The following C5orf58 variants were observed in gnomAD, a reference collection of about 807,000 sequenced individuals.
C5orf58 encodes the protein putative uncharacterized protein C5orf58.
Under a neutral mutation model 2.9 loss-of-function variants are expected in C5orf58, and 2 were observed. The ratio of observed to expected loss-of-function variants is 0.69; its 90% CI spans 0.28 to 2.18. C5orf58 has a LOEUF of 2.18. C5orf58 is among the 30% of genes most tolerant of loss of function. The pLI is 0.13. For synonymous variants in C5orf58, 37 were observed against 33.4 expected (o/e 1.11, Z -0.37); for missense variants, 96 against 91.7 (o/e 1.05, Z -0.19).
intron 3 of C5orf58, among the ~76,000 whole-genome samples, chr5:170,239,410 A>G (rs955946198): frequency 6.6e-6 from 1 of 151,530 alleles, no homozygotes; most frequent in Non-Finnish European, 1.5e-5. Context: ...AAAAAAAAAA[A>G]TCAAATCTCA....
At chr5:170,242,011 C>A (rs1434176178) in intron 3 of C5orf58, among the ~76,000 whole-genome samples, 3 of 145,298 alleles carry the variant, frequency 2.1e-5, no homozygotes, top group East Asian at 2.0e-4. Context: ...TTGTCAAAGG[C>A]TTTTTCTGCA....
At position 170,246,062 on chromosome 5, in the gene C5orf58, A is replaced by G; in HGVS notation, c.195A>G (p.Glu65=). 2.5e-6 allele frequency: 4 copies of G among 1,613,628 alleles called. No individual in the cohort carries two copies. The highest frequency in any genetic ancestry group is 3.4e-6 in the Non-Finnish European group (4 of 1,179,652). Residue 65 remains glutamate, a synonymous_variant, in exon 4 of 4, where the codon GAA becomes GAG. Coordinates refer to ENST00000593851, the MANE Select transcript of C5orf58 (RefSeq NM_001102609.3). ...CAGAAAGAAACAACCCCCTCTTTGA[A>G]GAGTCTAAAATATCAGATGTATCCC... is the stretch of plus-strand genomic sequence containing the variant. ...AEAERNNPLF[E]ESKISDVSLV...
chr5:170,234,519 T>A (rs1760660159), intron 2 of C5orf58, among the ~76,000 whole-genome samples: 1 of 152,246 alleles, frequency 6.6e-6, no homozygotes, highest in Non-Finnish European at 1.5e-5. Context: ...TGAATTATCC[T>A]CTTAATGAAT....
downstream of C5orf58, chr5:170,250,877 T>A: frequency 1.9e-6 from 3 of 1,613,344 alleles, no homozygotes; most frequent in Non-Finnish European, 2.5e-6. Flanking sequence ...TGACCAGAAA[T>A]GTGCCATCCT....
In C5orf58 at chr5:170,246,201, T is replaced by G; in HGVS notation, c.*88T>G. 1 of 1,018,338 alleles carries G rather than the reference T, an allele frequency of 9.8e-7. No individual in the cohort carries two copies. The highest frequency in any genetic ancestry group is 1.4e-6 in the Non-Finnish European group (1 of 724,392). The allele number at this position is 1,018,338 out of a possible 1,614,324, so 63.1% of individuals were successfully genotyped here. On this transcript the variant is annotated 3_prime_UTR_variant, in exon 4 of 4. Coordinates refer to ENST00000593851, the MANE Select transcript of C5orf58 (RefSeq NM_001102609.3). ...TTTACTAATTTGTATATATATAATTTAAAACAAAATAAAAATAATGTAAAC... is the reference window on the plus strand; with the variant it reads ...TTTACTAATTTGTATATATATAATTGAAAACAAAATAAAAATAATGTAAAC...
chr5:170,247,961 C>T (rs1214353257), downstream of C5orf58: 1 of 152,144 alleles, frequency 6.6e-6, no homozygotes, highest in Admixed American at 6.5e-5. Context: ...CACGATACAC[C>T]AAAGTCTCAT....
chr5:170,248,882 A>C, downstream of C5orf58: 1 of 1,554,558 alleles, frequency 6.4e-7, no homozygotes, highest in Non-Finnish European at 8.8e-7. Flanking sequence ...CTTCACTTTC[A>C]GTTTTTTTAT....
intron 3 of C5orf58, among the ~76,000 whole-genome samples, chr5:170,244,126 T>C (rs1471574521): frequency 6.6e-6 from 1 of 151,948 alleles, no homozygotes; most frequent in Non-Finnish European, 1.5e-5. Context: ...TTCTGGCTTG[T>C]AGGGTTTCTG....
At chr5:170,251,116 G>T, downstream of C5orf58, 1 of 441,780 alleles carries the variant, frequency 2.3e-6, no homozygotes, top group Non-Finnish European at 4.0e-6. Context: ...TTGTATCAAA[G>T]AAATTTCCAA....
chr5:170,247,692 G>A (rs975426110), downstream of C5orf58: 1 of 152,218 alleles, frequency 6.6e-6, no homozygotes, highest in Non-Finnish European at 1.5e-5. Flanking sequence ...TGGGAAGGAT[G>A]AGGAGAAGGG....
intron 3 of C5orf58, among the ~76,000 whole-genome samples, chr5:170,236,607 G>A (rs1306427855): frequency 1.3e-5 from 2 of 152,150 alleles, no homozygotes; most frequent in Admixed American, 6.5e-5. Flanking sequence ...GACCTGCTCA[G>A]ATCATTCCCC....
chr5:170,233,982 TATC>T (rs1267436279), intron 1 of C5orf58, 130 bp from the exon 2 acceptor site: 2 of 418,480 alleles, frequency 4.8e-6, no homozygotes, highest in Non-Finnish European at 9.2e-6. Context: ...CTTGTTAAAA[TATC>T]ATCTTTCTTT....
chr5:170,251,933 G>T, exon 3 of C5orf58: 1 of 243,656 alleles, frequency 4.1e-6, no homozygotes, highest in South Asian at 4.7e-5. Context: ...ATAAATCTAA[G>T]GTAAAGTTTC....
downstream of C5orf58, among the ~76,000 whole-genome samples, chr5:170,248,989 G>GA (rs1761363556): frequency 1.3e-5 from 2 of 152,206 alleles, no homozygotes; most frequent in Admixed American, 1.3e-4. Flanking sequence ...ATAGAACTTT[G>GA]AAAAAATTCC....
At chr5:170,233,037 G>T in intron 1 of C5orf58, 30 bp downstream of exon 1, 1 of 937,676 alleles carries the variant, frequency 1.1e-6, no homozygotes, top group Non-Finnish European at 1.3e-6. Context: ...CGGTCTTGAA[G>T]GATCCTAATC....
chr5:170,241,424 C>A (rs1450955346), intron 3 of C5orf58, among the ~76,000 whole-genome samples: 5 of 151,380 alleles, frequency 3.3e-5, no homozygotes, highest in Non-Finnish European at 7.4e-5. Flanking sequence ...AAATGTTCTT[C>A]CATTTCTTTG....
intron 3 of C5orf58, among the ~76,000 whole-genome samples, chr5:170,238,474 T>C (rs1163161978): frequency 6.6e-6 from 1 of 151,742 alleles, no homozygotes; most frequent in African/African-American, 2.4e-5. Flanking sequence ...GTGAAGGAAG[T>C]CCAACATCCA....
At chr5:170,251,471 T>C (rs1231917245) in intron 2 of C5orf58, 1 of 263,124 alleles carries the variant, frequency 3.8e-6, no homozygotes, top group Admixed American at 4.1e-5. Flanking sequence ...GTACTTTAAA[T>C]TTCCATTCAA....
downstream of C5orf58, chr5:170,248,190 G>A (rs1761342975): frequency 6.6e-6 from 1 of 152,626 alleles, no homozygotes; most frequent in Admixed American, 6.5e-5. Context: ...AAATAAGAGT[G>A]AAATTATATT....
Sources: allele counts gnomAD v4.1 joint callset (sites outside exome capture counted in the v4.1 genomes callset), GRCh38; gene constraint gnomAD v4.1.1; transcripts MANE v1.5; gene names NCBI Gene and HGNC (gene_info 2026-07-23, HGNC 2026-07-21).